NSL1: variants seen among roughly 807,000 people sequenced by gnomAD.
NSL1 encodes NSL1 component of MIS12 kinetochore complex, also known as kinetochore-associated protein NSL1 homolog.
In NSL1, 11 loss-of-function variants were observed where a neutral mutation model predicts 25.4. That is an observed-to-expected ratio of 0.43 (90% confidence interval 0.27 to 0.72). The LOEUF is 0.72. Ranked by LOEUF, NSL1 falls within the 30% of genes least tolerant of loss-of-function variation. The pLI, the probability that NSL1 is intolerant of heterozygous loss-of-function variation, is 0.19. For missense variants in NSL1, 330 were observed against 342.7 expected, an observed-to-expected ratio of 0.96 and a Z score of 0.29; for synonymous variants, 118 against 120.6, an observed-to-expected ratio of 0.98 and a Z score of 0.14.
intron 1 of NSL1, among the ~76,000 whole-genome samples, chr1:212,789,082 C>G (rs1323140952): frequency 4.6e-5 from 7 of 152,130 alleles, no homozygotes; most frequent in Non-Finnish European, 1.0e-4. Context: ...TTTTTATGAG[C>G]ATATATTTTG....
rs1658005680 is a variant in NSL1, at chr1:212,731,300, A to G, written c.*7108T>C. 1 of 984,448 alleles carries G rather than the reference A, an allele frequency of 1.0e-6. No individual in the cohort carries two copies. Among genetic ancestry groups the G allele is most frequent in the Admixed American group, 6.1e-5 (1 of 16,264 alleles). The allele number at this position is 984,448 out of a possible 1,614,324, so 61.0% of individuals were successfully genotyped here. A position where few individuals can be genotyped will look rare whatever the true frequency, so the allele number is the denominator to read the frequency against. Reference sequence around the variant, plus strand: ...GCCAGGTGCAGTGGCTCATTCCTGTAATCCCAGCACTTTGGGAAGCTGAGG... The same window carrying G: ...GCCAGGTGCAGTGGCTCATTCCTGTGATCCCAGCACTTTGGGAAGCTGAGG... On this transcript the variant is annotated 3_prime_UTR_variant, in exon 6 of 6. Transcript: ENST00000366977.
intron 4 of NSL1, among the ~76,000 whole-genome samples, chr1:212,772,038 G>A (rs1660144833): frequency 6.6e-6 from 1 of 152,052 alleles, no homozygotes; most frequent in African/African-American, 2.4e-5. Flanking sequence ...GTTTTATAAG[G>A]GAAAACCCCT....
At position 212,733,252 on chromosome 1, in the gene NSL1, C is replaced by T. The variant is rs568394358; in HGVS notation, c.*5156G>A. Among the ~76,000 whole-genome samples, 56 of 151,920 alleles carry T rather than the reference C, an allele frequency of 3.7e-4. No homozygotes were observed. In the South Asian group the frequency reaches 0.011, roughly 29 times the overall value. On this transcript the variant is annotated 3_prime_UTR_variant, in exon 6 of 6. Transcript: ENST00000366977. ...CACGAGTTTGAGACCAGCCACATAG[C>T]GAAACTCCGTCTCTACAAAAAATAC...
chr1:212,729,432 T>G lies in NSL1; in HGVS notation c.*8976A>C, dbSNP rs1558032445. 1.0e-6 allele frequency: 1 copy of G among 985,352 alleles called. No individual in the cohort carries two copies. The allele number at this position is 985,352 out of a possible 1,614,324, so 61.0% of individuals were successfully genotyped here. ...TCGAGTATGTGTGTAATAAAAGGTG[T>G]GGCTACGAAAAATCATTTTACAATA... is the stretch of plus-strand genomic sequence containing the variant. On this transcript the variant is annotated 3_prime_UTR_variant, in exon 6 of 6. Coordinates refer to ENST00000366977, the MANE Select transcript of NSL1 (RefSeq NM_015471.4).
intron 3 of NSL1, among the ~76,000 whole-genome samples, chr1:212,783,550 T>TAAA (rs1296317306): frequency 6.6e-6 from 1 of 152,170 alleles, no homozygotes; most frequent in Non-Finnish European, 1.5e-5. Context: ...ACTAGAAGAT[T>TAAA]TATATGTGAA....
At chr1:212,762,306 CAAAAAAA>C (rs71147025) in intron 4 of NSL1, among the ~76,000 whole-genome samples, 12 of 114,634 alleles carry the variant, frequency 1.0e-4, no homozygotes, top group Admixed American at 3.0e-4. Flanking sequence ...TTAAAAGAAA[CAAAAAAA>C]AAAAAAAAAA....
intron 4 of NSL1, among the ~76,000 whole-genome samples, chr1:212,744,196 A>G (rs773651527): frequency 2.0e-5 from 3 of 152,240 alleles, no homozygotes; most frequent in Non-Finnish European, 4.4e-5. Flanking sequence ...ATATCCCGAC[A>G]TACACCTACA....
Position 212,729,941 on chromosome 1 carries a change from A to T in NSL1, c.*8467T>A, listed in dbSNP as rs975409845. On this transcript the variant is annotated 3_prime_UTR_variant, in exon 6 of 6. Coordinates refer to ENST00000366977, the MANE Select transcript of NSL1 (RefSeq NM_015471.4). ...CCTTGTGGAGGAACTAAACCTCCGG[A>T]AGGATTTTTTTTTTTAAGAATGAAA... 2.0e-6 allele frequency: 2 copies of T among 984,148 alleles called. No individual in the cohort carries two copies. The highest frequency in any genetic ancestry group is 2.4e-6 in the Non-Finnish European group (2 of 829,634). The allele number at this position is 984,148 out of a possible 1,614,324, so 61.0% of individuals were successfully genotyped here. A position where few individuals can be genotyped will look rare whatever the true frequency, so the allele number is the denominator to read the frequency against.
In NSL1 at chr1:212,727,061, TG is replaced by T; in HGVS notation, c.*11346del. On this transcript the variant is annotated 3_prime_UTR_variant, in exon 6 of 6. Transcript: ENST00000366977. Reference sequence around the variant, plus strand: ...CTGCCGAGAGAGGGAGGGCGGGCTCTGGGTCACCCAGCTTCATCCTCTTCAT... The same window carrying T: ...CTGCCGAGAGAGGGAGGGCGGGCTCTGGTCACCCAGCTTCATCCTCTTCAT... 6.6e-7 allele frequency: 1 copy of T among 1,525,118 alleles called. No homozygotes were observed. 94.5% of individuals were successfully genotyped at this position (1,525,118 alleles called of 1,614,324 possible).
chr1:212,747,835 G>A (rs559090446), intron 4 of NSL1, among the ~76,000 whole-genome samples: 17 of 151,530 alleles, frequency 1.1e-4, no homozygotes, highest in Non-Finnish European at 2.2e-4. Context: ...GTGTGATCTC[G>A]GCTCACTGCA....
chr1:212,770,007 T>C (rs966078414), intron 4 of NSL1, among the ~76,000 whole-genome samples: 2 of 152,078 alleles, frequency 1.3e-5, no homozygotes, highest in Non-Finnish European at 2.9e-5. Flanking sequence ...TGGAAAAAGA[T>C]ACTCCACACA....
At chr1:212,774,256 C>T (rs987677089) in intron 4 of NSL1, among the ~76,000 whole-genome samples, 4 of 152,040 alleles carry the variant, frequency 2.6e-5, no homozygotes, top group Admixed American at 6.6e-5. Context: ...GAAATGTTCC[C>T]AGCACAAAGA....
chr1:212,762,306 C>CAAAAAAAAAAAAAAAAAAA (rs71147025), intron 4 of NSL1, among the ~76,000 whole-genome samples: 2 of 114,636 alleles, frequency 1.7e-5, no homozygotes, highest in African/African-American at 6.7e-5. Context: ...TTAAAAGAAA[C>CAAAAAAAAAAAAAAAAAAA]AAAAAAAAAA....
chr1:212,780,248 G>C (rs1483017370), intron 4 of NSL1, among the ~76,000 whole-genome samples: 2 of 152,040 alleles, frequency 1.3e-5, no homozygotes, highest in Admixed American at 1.3e-4. Context: ...TCCACTCAGG[G>C]TTAAATGGAT....
rs751360379 is a variant in NSL1, at chr1:212,788,820, G to C, written c.235-1183C>G. 2.6e-4 allele frequency among the ~76,000 whole-genome samples: 39 copies of C among 152,150 alleles called. 1 individual carries two copies. The highest frequency in any genetic ancestry group is 2.1e-4 in the South Asian group (1 of 4,828). On this transcript the variant is annotated intron_variant, in intron 1 of 5. Transcript: ENST00000366977. ...CAGTACCTAAAAAGGATGAAGACAA[G>C]CTCTACGTAACACTAACAAATAATA... is the stretch of plus-strand genomic sequence containing the variant.
rs1335254339 is a variant in NSL1 at position 212,734,193 on chromosome 1, G to A, written c.*4215C>T. ...CTGGGATTTTGCTTTGTATGTATCTGTTTTCTTTGAGGTCCTTTATTCTCT... is the reference window on the plus strand; with the variant it reads ...CTGGGATTTTGCTTTGTATGTATCTATTTTCTTTGAGGTCCTTTATTCTCT... On this transcript the variant is annotated 3_prime_UTR_variant, in exon 6 of 6. Transcript: ENST00000366977. 6.6e-6 allele frequency among the ~76,000 whole-genome samples: 1 copy of A among 152,056 alleles called. No homozygotes were observed. The highest frequency in any genetic ancestry group is 1.9e-4 in the East Asian group (1 of 5,198).
At chr1:212,752,744 T>C (rs1236128239) in intron 4 of NSL1, among the ~76,000 whole-genome samples, 1 of 152,186 alleles carries the variant, frequency 6.6e-6, no homozygotes, top group African/African-American at 2.4e-5. Context: ...CTGCCTTCCC[T>C]AGTCACTTGC....
chr1:212,758,293 TA>T (rs1177517882), intron 4 of NSL1, among the ~76,000 whole-genome samples: 1 of 152,196 alleles, frequency 6.6e-6, no homozygotes, highest in East Asian at 1.9e-4. Context: ...AAAGGAATGG[TA>T]ATCAGATTCT....
At chr1:212,768,479 G>C (rs1290168744) in intron 4 of NSL1, among the ~76,000 whole-genome samples, 1 of 151,978 alleles carries the variant, frequency 6.6e-6, no homozygotes, top group Non-Finnish European at 1.5e-5. Flanking sequence ...CAAAAATATG[G>C]AACCAGCCCA....
Sources: gnomAD v4.1 joint callset for allele counts (sites outside exome capture counted in the v4.1 genomes callset) on GRCh38, gnomAD v4.1.1 for gene constraint, MANE v1.5 for transcripts, NCBI Gene and HGNC (gene_info 2026-07-23, HGNC 2026-07-21) for gene names.